Variants in ADRA1B observed in about 807,000 individuals in gnomAD.
ADRA1B encodes adrenoceptor alpha 1B.
In ADRA1B, 17 loss-of-function variants were observed where a neutral mutation model predicts 17.9. That is an observed-to-expected ratio of 0.95 (90% CI 0.65 to 1.42). The LOEUF is 1.42. ADRA1B is among the 40% of genes most tolerant of loss of function. The pLI is 0.00. For missense variants in ADRA1B, 681 were observed against 722.1 expected, an observed-to-expected ratio of 0.94 and a Z score of 0.65; for synonymous variants, 366 against 327.6, an observed-to-expected ratio of 1.12 and a Z score of -1.27.
intron 1 of ADRA1B, among the ~76,000 whole-genome samples, chr5:159,932,322 A>G (rs1375896823): frequency 6.6e-6 from 1 of 151,800 alleles, no homozygotes; most frequent in East Asian, 1.9e-4. Flanking sequence ...ACACCCAGCT[A>G]ATTTGTAAAT....
intron 1 of ADRA1B, among the ~76,000 whole-genome samples, chr5:159,962,508 G>A (rs944324609): frequency 5.9e-5 from 9 of 151,942 alleles, no homozygotes; most frequent in African/African-American, 1.2e-4. Context: ...GAGGGACCTC[G>A]CACTGGTGCT....
downstream of ADRA1B, among the ~76,000 whole-genome samples, chr5:159,974,317 G>A (rs1350502478): frequency 2.6e-5 from 4 of 152,114 alleles, no homozygotes; most frequent in African/African-American, 9.7e-5. Flanking sequence ...AGATTGCCCA[G>A]CAGTTCTGTC....
chr5:159,902,495 A>T (rs1007079453), intron 1 of ADRA1B, among the ~76,000 whole-genome samples: 1 of 143,096 alleles, frequency 7.0e-6, no homozygotes, highest in Non-Finnish European at 1.5e-5. Context: ...ACCACCATTT[A>T]AAAAAAAAAA....
intron 1 of ADRA1B, among the ~76,000 whole-genome samples, chr5:159,941,876 A>G (rs1445202541): frequency 6.6e-6 from 1 of 150,824 alleles, no homozygotes; most frequent in African/African-American, 2.4e-5. Context: ...GCAGAGACTG[A>G]GGAGAAGGGG....
intron 1 of ADRA1B, among the ~76,000 whole-genome samples, chr5:159,918,660 A>T (rs1373839843): frequency 6.6e-6 from 1 of 152,220 alleles, no homozygotes; most frequent in Non-Finnish European, 1.5e-5. Flanking sequence ...TCCCCCTCTT[A>T]TGAAAACATG....
At chr5:159,945,453 C>A (rs1172943801) in intron 1 of ADRA1B, among the ~76,000 whole-genome samples, 1 of 152,152 alleles carries the variant, frequency 6.6e-6, no homozygotes, top group Non-Finnish European at 1.5e-5. Context: ...GCCAGCCCTG[C>A]AGGAATCTGG....
chr5:159,955,190 C>A, intron 1 of ADRA1B: 1 of 985,406 alleles, frequency 1.0e-6, no homozygotes, highest in Non-Finnish European at 1.2e-6. Context: ...CAGCGTCATT[C>A]ACTCTGTATT....
chr5:159,918,615 G>A (rs72808194), intron 1 of ADRA1B, among the ~76,000 whole-genome samples: 1 of 152,144 alleles, frequency 6.6e-6, no homozygotes, highest in Non-Finnish European at 1.5e-5. Context: ...AGCTGACAGA[G>A]ACCAAATCCT....
the ADRA1B span, among the ~76,000 whole-genome samples, chr5:159,986,595 AAAT>A: frequency 1.3e-5 from 2 of 152,194 alleles, no homozygotes; most frequent in Non-Finnish European, 2.9e-5. Flanking sequence ...AGCTGATTAA[AAAT>A]ACCGACTCAC....
At chr5:159,988,090 C>T in the ADRA1B span, among the ~76,000 whole-genome samples, 1 of 152,034 alleles carries the variant, frequency 6.6e-6, no homozygotes, top group Admixed American at 6.6e-5. Flanking sequence ...CACAAGGGGT[C>T]TTATAAGAGG....
At position 159,972,363 on chromosome 5, in the gene ADRA1B, C is replaced by A. The variant is rs1208733075; in HGVS notation, c.1434C>A (p.Leu478=). The change falls in exon 2 of 2, where the codon CTC becomes CTA. Residue 478 remains leucine, a synonymous_variant. Transcript: ENST00000306675. Reference sequence around the variant, plus strand: ...CGGGCCCGCTCTTCACCTTCAAGCTCCTGACCGAGCCCGAGAGCCCCGGGA... The same window carrying A: ...CGGGCCCGCTCTTCACCTTCAAGCTACTGACCGAGCCCGAGAGCCCCGGGA... ...HDSGPLFTFK[L]LTEPESPGTD... The A allele has an allele frequency of 1.3e-6, 2 of 1,511,556 alleles. No homozygotes were observed. Among genetic ancestry groups the A allele is most frequent in the Non-Finnish European group, 1.8e-6 (2 of 1,136,550 alleles). The allele number at this position is 1,511,556 out of a possible 1,614,324, so 93.6% of individuals were successfully genotyped here. A position where few individuals can be genotyped will look rare whatever the true frequency, so the allele number is the denominator to read the frequency against.
chr5:159,889,922 C>T (rs1753963835), intron 1 of ADRA1B, among the ~76,000 whole-genome samples: 1 of 152,182 alleles, frequency 6.6e-6, no homozygotes, highest in African/African-American at 2.4e-5. Context: ...TTATGATTGT[C>T]TAAAGGCTTT....
At chr5:159,974,334 TGAAAAA>T (rs970131236), downstream of ADRA1B, among the ~76,000 whole-genome samples, 5 of 152,058 alleles carry the variant, frequency 3.3e-5, no homozygotes, top group Admixed American at 6.5e-5. Context: ...TGTCAAAAAA[TGAAAAA>T]GAAAAAGAAA....
At chr5:159,901,003 T>C (rs1400322349) in intron 1 of ADRA1B, among the ~76,000 whole-genome samples, 1 of 152,156 alleles carries the variant, frequency 6.6e-6, no homozygotes, top group African/African-American at 2.4e-5. Context: ...CCTCCTGAGG[T>C]GACTACTCCG....
intron 1 of ADRA1B, among the ~76,000 whole-genome samples, chr5:159,894,750 G>T (rs1478405940): frequency 6.6e-6 from 1 of 152,180 alleles, no homozygotes; most frequent in East Asian, 1.9e-4. Flanking sequence ...CACTCACTAT[G>T]CAGGGCCCCT....
chr5:159,885,989 A>C (rs1254475569), intron 1 of ADRA1B, among the ~76,000 whole-genome samples: 1 of 152,216 alleles, frequency 6.6e-6, no homozygotes, highest in Admixed American at 6.5e-5. Context: ...TAGATTCAAA[A>C]TTTAAGCAGT....
intron 1 of ADRA1B, among the ~76,000 whole-genome samples, chr5:159,873,771 C>T (rs1753774166): frequency 6.6e-6 from 1 of 152,112 alleles, no homozygotes; most frequent in East Asian, 1.9e-4. Context: ...AGTGTGCAGG[C>T]CTGTCCCCAG....
chr5:159,933,481 T>C (rs946415904), intron 1 of ADRA1B, among the ~76,000 whole-genome samples: 10 of 152,246 alleles, frequency 6.6e-5, no homozygotes, highest in Non-Finnish European at 1.5e-4. Flanking sequence ...TGATAGCGTC[T>C]CACTGCCTGA....
intron 1 of ADRA1B, among the ~76,000 whole-genome samples, chr5:159,892,873 T>G (rs1204311205): frequency 6.6e-6 from 1 of 152,210 alleles, no homozygotes; most frequent in Non-Finnish European, 1.5e-5. Flanking sequence ...TTGGGTCAAA[T>G]GGTATTTCTA....
Sources: allele counts gnomAD v4.1 joint callset (sites outside exome capture counted in the v4.1 genomes callset), GRCh38; gene constraint gnomAD v4.1.1; transcripts MANE v1.5; gene names NCBI Gene and HGNC (gene_info 2026-07-23, HGNC 2026-07-21).